Variants in NTNG2 observed in about 807,000 individuals in gnomAD.
The protein encoded by NTNG2 is netrin-G2.
A neutral mutation model predicts 47.6 loss-of-function variants in NTNG2; 15 were observed. The observed-to-expected ratio is 0.32, with a 90% CI of 0.21 to 0.49. NTNG2 has a LOEUF of 0.49. NTNG2 is among the 20% of genes least tolerant of loss of function. NTNG2 has a pLI of 0.99. For synonymous variants in NTNG2, 307 were observed against 324.6 expected (o/e 0.95, Z 0.58); for missense variants, 578 against 764.6 (o/e 0.76, Z 2.88).
rs985286677 is a variant in NTNG2 at position 132,197,491 on chromosome 9, C to G, written c.214-475C>G. Among the ~76,000 whole-genome samples, 1 of 152,108 alleles carries G rather than the reference C, an allele frequency of 6.6e-6. No individual in the cohort carries two copies. Among genetic ancestry groups the G allele is most frequent in the Admixed American group, 6.5e-5 (1 of 15,268 alleles). ...AGAATGTGAATGGGAATTTTTGAGG[C>G]GGACAGAGTGGAAGGGCACATGAAG... On this transcript the variant is annotated intron_variant, in intron 2 of 7. Transcript: ENST00000393229. The surrounding 1 kb of genome is among the most constrained non-coding windows in gnomAD (Gnocchi z 4.3).
In NTNG2 at chr9:132,240,903, C is replaced by A. The variant is rs772355340; in HGVS notation, c.1223-7C>A. ...CTGACCGCGCGCCCGTGCCCGTGTC[C>A]GTCCAGAGTGTAACTGCAACCAGAT... On this transcript the variant is annotated splice_polypyrimidine_tract_variant and splice_region_variant and intron_variant, in intron 6 of 7. Coordinates refer to ENST00000393229, the MANE Select transcript of NTNG2 (RefSeq NM_032536.4). 9 of 1,612,828 alleles carry A rather than the reference C, an allele frequency of 5.6e-6. No homozygotes were observed. The South Asian group carries it at 9.9e-5, about 18-fold the overall frequency.
intron 3 of NTNG2, among the ~76,000 whole-genome samples, chr9:132,206,375 C>T (rs1839164835): frequency 6.6e-6 from 1 of 152,186 alleles, no homozygotes; most frequent in Non-Finnish European, 1.5e-5. Context: ...ATTTTTTAAA[C>T]CCAACTCTTG....
chr9:132,183,842 G>C (rs563019216), intron 2 of NTNG2, among the ~76,000 whole-genome samples: 7 of 152,212 alleles, frequency 4.6e-5, no homozygotes, highest in African/African-American at 1.7e-4. Context: ...TTAGTTGGTT[G>C]GTTAATTACT....
At chr9:132,225,707 G>A (rs149058817) in intron 3 of NTNG2, among the ~76,000 whole-genome samples, 56 of 152,282 alleles carry the variant, frequency 3.7e-4, no homozygotes, top group African/African-American at 1.2e-3. Flanking sequence ...ATTTGTTTGC[G>A]TGTTTGATTT....
At chr9:132,165,048 G>C (rs758539268) in intron 1 of NTNG2, among the ~76,000 whole-genome samples, 3 of 152,252 alleles carry the variant, frequency 2.0e-5, no homozygotes, top group Non-Finnish European at 4.4e-5. Flanking sequence ...GCCAGGTCCA[G>C]ACTGGACATT....
At chr9:132,176,173 A>C in intron 2 of NTNG2, among the ~76,000 whole-genome samples, 1 of 146,482 alleles carries the variant, frequency 6.8e-6, no homozygotes, top group African/African-American at 2.6e-5. Flanking sequence ...ATGTAGTGAG[A>C]CCCCATCTCT....
At chr9:132,225,709 G>A (rs563307055) in intron 3 of NTNG2, among the ~76,000 whole-genome samples, 4 of 152,182 alleles carry the variant, frequency 2.6e-5, no homozygotes, top group Non-Finnish European at 5.9e-5. Context: ...TTGTTTGCGT[G>A]TTTGATTTTA....
Position 132,198,155 on chromosome 9 carries a change from G to C in NTNG2, c.403G>C (p.Asp135His). The C allele has an allele frequency of 6.2e-7, 1 of 1,613,768 alleles. No homozygotes were observed. The highest frequency in any genetic ancestry group is 8.5e-7 in the Non-Finnish European group (1 of 1,180,020). ...GTGGAACAAGACCGTGGAGCTGACC[G>C]ACGACGTGGTGATGACCTTCGAGTA... is the stretch of plus-strand genomic sequence containing the variant. ...LSWNKTVELT[D>H]DVVMTFEYGR... The change falls in exon 3 of 8, where the codon GAC (aspartate) becomes CAC (histidine). Residue 135 changes from aspartate to histidine, a missense_variant. Asp to His is a moderately conservative substitution (Grantham distance 81). Coordinates refer to ENST00000393229, the MANE Select transcript of NTNG2 (RefSeq NM_032536.4).
At chr9:132,204,420 C>T (rs1839013161) in intron 3 of NTNG2, among the ~76,000 whole-genome samples, 1 of 152,144 alleles carries the variant, frequency 6.6e-6, no homozygotes, top group African/African-American at 2.4e-5. Context: ...AGAATAGAAA[C>T]AGCAGAGGGA....
chr9:132,168,341 C>T (rs759459399), intron 2 of NTNG2, among the ~76,000 whole-genome samples: 1 of 152,208 alleles, frequency 6.6e-6, no homozygotes, highest in Admixed American at 6.5e-5. Context: ...GGTACCTCTG[C>T]GTGTCCTTGG....
In NTNG2 at chr9:132,197,848, C is replaced by T. The variant is rs1258155402; in HGVS notation, c.214-118C>T. The stretch of plus-strand genomic sequence containing the variant: ...CTGTGTCTGGGCACCGGAGCACAGG[C>T]CCTGTAGCCACAGAGCAGGTTTCTC... On this transcript the variant is annotated intron_variant, in intron 2 of 7. Coordinates refer to ENST00000393229, the MANE Select transcript of NTNG2 (RefSeq NM_032536.4). This position sits in a 1 kb window ranked among gnomAD's most constrained non-coding sequence, Gnocchi z 4.3. 5 of 937,808 alleles carry T rather than the reference C, an allele frequency of 5.3e-6. No homozygotes were observed. Among genetic ancestry groups the T allele is most frequent in the East Asian group, 5.2e-5 (2 of 38,446 alleles). 58.1% of individuals were successfully genotyped at this position (937,808 alleles called of 1,614,324 possible).
rs567971446 is a variant in NTNG2, at chr9:132,200,648, C to T, written c.857+2039C>T. On this transcript the variant is annotated intron_variant, in intron 3 of 7. Coordinates refer to ENST00000393229, the MANE Select transcript of NTNG2 (RefSeq NM_032536.4). ...GTATTTGCATTTTGTTTCACTTTGACGGTGTGTGTGGATTCCAGGTGGGCA... is the reference window on the plus strand; with the variant it reads ...GTATTTGCATTTTGTTTCACTTTGATGGTGTGTGTGGATTCCAGGTGGGCA... 1.1e-4 allele frequency among the ~76,000 whole-genome samples: 17 copies of T among 152,234 alleles called. No homozygotes were observed. The East Asian group carries it at 1.7e-3, about 16-fold the overall frequency.
At chr9:132,192,646 GTGTT>G (rs1173713984) in intron 2 of NTNG2, among the ~76,000 whole-genome samples, 2 of 152,122 alleles carry the variant, frequency 1.3e-5, no homozygotes, top group South Asian at 2.1e-4. Flanking sequence ...AAGCAATACT[GTGTT>G]TGTAGAGGAA....
chr9:132,207,698 C>T (rs1270242556), intron 3 of NTNG2, among the ~76,000 whole-genome samples: 1 of 152,202 alleles, frequency 6.6e-6, no homozygotes, highest in Non-Finnish European at 1.5e-5. Flanking sequence ...ATGCTGGACA[C>T]AAGCAGGGTG....
intron 3 of NTNG2, among the ~76,000 whole-genome samples, chr9:132,216,414 C>CTCTCTGTGTGTGTGTG (rs1554790515): frequency 9.1e-6 from 1 of 110,288 alleles, no homozygotes; most frequent in African/African-American, 4.9e-5. Flanking sequence ...CTCTCTCTCT[C>CTCTCTGTGTGTGTGTG]TGTGTGTGTG....
At chr9:132,202,973 C>G (rs967716353) in intron 3 of NTNG2, among the ~76,000 whole-genome samples, 1 of 151,980 alleles carries the variant, frequency 6.6e-6, no homozygotes, top group African/African-American at 2.4e-5. Flanking sequence ...TGTGAGGAGT[C>G]GATGAAATGC....
intron 2 of NTNG2, among the ~76,000 whole-genome samples, chr9:132,186,072 C>T (rs1407085452): frequency 6.6e-6 from 1 of 152,172 alleles, no homozygotes; most frequent in Non-Finnish European, 1.5e-5. Context: ...AAATAGGGAA[C>T]CTGGGACCAA....
intron 2 of NTNG2, among the ~76,000 whole-genome samples, chr9:132,173,131 G>A (rs75165660): frequency 0.022 from 3,424 of 152,230 alleles, 117 homozygotes; most frequent in African/African-American, 0.071. Context: ...TGGGATTTGC[G>A]ATTGGATGAA....
chr9:132,192,083 G>C (rs1171959180), intron 2 of NTNG2, among the ~76,000 whole-genome samples: 4 of 152,174 alleles, frequency 2.6e-5, no homozygotes, highest in Non-Finnish European at 5.9e-5. Context: ...TGCTGTTTTT[G>C]TGATTAGTTG....
Sources: allele counts gnomAD v4.1 joint callset (sites outside exome capture counted in the v4.1 genomes callset), GRCh38; gene constraint gnomAD v4.1.1; non-coding constraint Gnocchi (gnomAD v3.1); transcripts MANE v1.5; gene names NCBI Gene and HGNC (gene_info 2026-07-23, HGNC 2026-07-21).